POLR3G: variants seen among roughly 807,000 people sequenced by gnomAD.
POLR3G encodes DNA-directed RNA polymerase III subunit RPC7.
POLR3G carries 28 observed loss-of-function variants against 30.1 expected under a neutral mutation model. The ratio of observed to expected loss-of-function variants is 0.93; its 90% CI spans 0.69 to 1.27. The LOEUF (loss-of-function observed/expected upper bound fraction) is 1.27, where lower values mean the gene tolerates loss of function less well. POLR3G is among the 50% of genes most tolerant of loss of function. The pLI, the probability that POLR3G is intolerant of heterozygous loss-of-function variation, is 0.00. For missense variants in POLR3G, 254 were observed against 264.6 expected (o/e 0.96, Z 0.28); for synonymous variants, 79 against 82.5 (o/e 0.96, Z 0.23).
chr5:90,488,156 TG>T, intron 3 of POLR3G, 27 bp downstream of exon 3: 1 of 1,564,940 alleles, frequency 6.4e-7, no homozygotes, highest in Non-Finnish European at 8.6e-7. Context: ...TTTGATTATG[TG>T]GCTTAATGTA....
At chr5:90,474,087 T>C (rs1750641727), upstream of POLR3G, 1 of 1,575,174 alleles carries the variant, frequency 6.3e-7, no homozygotes, top group Non-Finnish European at 8.6e-7. Flanking sequence ...CGCGTCCTCT[T>C]TGGCCTCTCG....
chr5:90,485,715 T>G, intron 2 of POLR3G, 31 bp downstream of exon 2: 1 of 1,495,756 alleles, frequency 6.7e-7, no homozygotes, highest in Non-Finnish European at 9.3e-7. Flanking sequence ...ATTCTCATAG[T>G]GTGTTTTTTC....
chr5:90,509,260 AG>A (rs1192954041), intron 7 of POLR3G, among the ~76,000 whole-genome samples: 1 of 152,070 alleles, frequency 6.6e-6, no homozygotes, highest in East Asian at 1.9e-4. Flanking sequence ...AGTATTCTTC[AG>A]GGCTCTTCCC....
In POLR3G at chr5:90,512,217, G is replaced by T. The variant is rs1392609040; in HGVS notation, c.*78G>T. ...CAGACTTGATTTGTATTTTATTTCT[G>T]ATAAGGAATAAGTACTTGTTTCTGT... On this transcript the variant is annotated 3_prime_UTR_variant, in exon 8 of 8. Coordinates refer to ENST00000651687, the MANE Select transcript of POLR3G (RefSeq NM_006467.3). 3 of 923,702 alleles carry T rather than the reference G, an allele frequency of 3.2e-6. No homozygotes were observed. Among genetic ancestry groups the T allele is most frequent in the Non-Finnish European group, 5.2e-6 (3 of 572,692 alleles). The allele number at this position is 923,702 out of a possible 1,614,324, so 57.2% of individuals were successfully genotyped here. A position where few individuals can be genotyped will look rare whatever the true frequency, so the allele number is the denominator to read the frequency against.
chr5:90,512,593 C>T lies in POLR3G; in HGVS notation c.*454C>T, dbSNP rs2151917674. On this transcript the variant is annotated 3_prime_UTR_variant, in exon 8 of 8. Transcript: ENST00000651687. Reference sequence around the variant, plus strand: ...ACTTGAAAATAATTTTATTTTTTACCTTTACATGGTGTGTTCTAGACTACT... The same window carrying T: ...ACTTGAAAATAATTTTATTTTTTACTTTTACATGGTGTGTTCTAGACTACT... 6.4e-6 allele frequency: 1 copy of T among 156,336 alleles called. No individual in the cohort carries two copies. The highest frequency in any genetic ancestry group is 3.4e-3 in the Middle Eastern group (1 of 294). 9.7% of individuals were successfully genotyped at this position (156,336 alleles called of 1,614,324 possible).
intron 7 of POLR3G, among the ~76,000 whole-genome samples, chr5:90,510,952 G>C (rs1440546523): frequency 6.6e-6 from 1 of 151,370 alleles, no homozygotes. Flanking sequence ...TCTTACTATA[G>C]ATAGTAGAGA....
At chr5:90,506,215 C>T (rs761819104) in intron 6 of POLR3G, among the ~76,000 whole-genome samples, 6 of 152,120 alleles carry the variant, frequency 3.9e-5, no homozygotes, top group Middle Eastern at 3.4e-3. Context: ...GGTGACAGAG[C>T]GAGACTTTCT....
At chr5:90,487,036 G>T (rs1326156158) in intron 2 of POLR3G, among the ~76,000 whole-genome samples, 8 of 152,130 alleles carry the variant, frequency 5.3e-5, no homozygotes, top group African/African-American at 1.9e-4. Flanking sequence ...GAACATATTT[G>T]TGTAAATATA....
chr5:90,504,632 T>C (rs1446568068), intron 6 of POLR3G, among the ~76,000 whole-genome samples: 3 of 151,896 alleles, frequency 2.0e-5, no homozygotes, highest in Non-Finnish European at 4.4e-5. Flanking sequence ...AATAAAATAA[T>C]AGCATGTTTT....
rs1397836633 is a variant in POLR3G at position 90,512,155 on chromosome 5, A to G, written c.*16A>G. ...AACCTATTAGGCATGAAATTTTTCA[A>G]AAAATATTTTTATGATGCAGCTTCT... On this transcript the variant is annotated 3_prime_UTR_variant, in exon 8 of 8. Transcript: ENST00000651687. The G allele has an allele frequency of 2.6e-6, 4 of 1,522,040 alleles. No individual in the cohort carries two copies. The highest frequency in any genetic ancestry group is 1.4e-5 in the African/African-American group (1 of 72,822). The allele number at this position is 1,522,040 out of a possible 1,614,324, so 94.3% of individuals were successfully genotyped here.
intron 3 of POLR3G, among the ~76,000 whole-genome samples, chr5:90,492,300 C>A (rs1751763521): frequency 6.6e-6 from 1 of 152,146 alleles, no homozygotes; most frequent in Non-Finnish European, 1.5e-5. Context: ...AAAAAGAACT[C>A]ATCATGTAAT....
upstream of POLR3G, chr5:90,474,272 G>GT: frequency 6.2e-7 from 1 of 1,613,332 alleles, no homozygotes; most frequent in Non-Finnish European, 8.5e-7. Flanking sequence ...ACTTGTGGGC[G>GT]TACCACTCGA....
intron 2 of POLR3G, among the ~76,000 whole-genome samples, chr5:90,486,690 A>G (rs1378396186): frequency 1.3e-5 from 2 of 152,182 alleles, no homozygotes; most frequent in African/African-American, 2.4e-5. Context: ...CTCACCCTGC[A>G]TAGATTCCAC....
chr5:90,510,480 A>G (rs1021402245), intron 7 of POLR3G, among the ~76,000 whole-genome samples: 1 of 152,218 alleles, frequency 6.6e-6, no homozygotes, highest in African/African-American at 2.4e-5. Context: ...CAAGTGACAT[A>G]TGCTTGATTT....
At chr5:90,500,900 C>T (rs543900295) in intron 5 of POLR3G, among the ~76,000 whole-genome samples, 94 of 152,246 alleles carry the variant, frequency 6.2e-4, no homozygotes, top group Non-Finnish European at 1.2e-3. Flanking sequence ...TACTCTTTGA[C>T]CACAATGGGA....
At chr5:90,511,616 C>CT (rs11331138) in intron 7 of POLR3G, among the ~76,000 whole-genome samples, 78 of 138,984 alleles carry the variant, frequency 5.6e-4, no homozygotes, top group Admixed American at 1.9e-3. Context: ...GGTATCATGC[C>CT]TTTTTTTTTT....
chr5:90,487,980 T>C lies in POLR3G; in HGVS notation c.118-20T>C. ...TACATAATTGATTTGAAAAAAATCT[T>C]TGTCTCTTAATTTAAACAGGATACA... is the stretch of plus-strand genomic sequence containing the variant. On this transcript the variant is annotated intron_variant, in intron 2 of 7. Coordinates refer to ENST00000651687, the MANE Select transcript of POLR3G (RefSeq NM_006467.3). The C allele has an allele frequency of 6.6e-7, 1 of 1,514,524 alleles. No individual in the cohort carries two copies. The highest frequency in any genetic ancestry group is 8.8e-7 in the Non-Finnish European group (1 of 1,135,906). 93.8% of individuals were successfully genotyped at this position (1,514,524 alleles called of 1,614,324 possible).
intron 3 of POLR3G, chr5:90,490,663 C>T (rs1429947621): frequency 5.1e-6 from 2 of 391,876 alleles, no homozygotes; most frequent in Non-Finnish European, 1.0e-5. Flanking sequence ...CCCATCTCGG[C>T]CTTCCAAAGT....
intron 6 of POLR3G, among the ~76,000 whole-genome samples, chr5:90,504,792 T>C (rs1752413639): frequency 6.6e-6 from 1 of 152,160 alleles, no homozygotes; most frequent in African/African-American, 2.4e-5. Context: ...CAAATATGTG[T>C]GTGTATATCT....
Sources: allele counts gnomAD v4.1 joint callset (sites outside exome capture counted in the v4.1 genomes callset), GRCh38; gene constraint gnomAD v4.1.1; transcripts MANE v1.5; gene names NCBI Gene and HGNC (gene_info 2026-07-23, HGNC 2026-07-21).